Variants in RPTOR observed in about 807,000 individuals in gnomAD.
RPTOR encodes the protein regulatory associated protein of MTOR complex 1.
RPTOR carries 21 observed loss-of-function variants against 169.9 expected under a neutral mutation model. The ratio of observed to expected loss-of-function variants is 0.12; its 90% CI spans 0.09 to 0.18. The LOEUF (loss-of-function observed/expected upper bound fraction) is 0.18. RPTOR is among the 10% of genes least tolerant of loss of function. The pLI, the probability that RPTOR is intolerant of heterozygous loss-of-function variation, is 1.00. For missense variants in RPTOR, 1,133 were observed against 1,855.9 expected (o/e 0.61, Z 7.16); for synonymous variants, 732 against 753.2 (o/e 0.97, Z 0.46).
At chr17:80,832,336 C>T (rs2067514264) in intron 9 of RPTOR, among the ~76,000 whole-genome samples, 1 of 152,192 alleles carries the variant, frequency 6.6e-6, no homozygotes, top group Non-Finnish European at 1.5e-5. Flanking sequence ...GCCACTGGAG[C>T]AACATTCCCG....
At position 80,633,133 on chromosome 17, in the gene RPTOR, C is replaced by T. The variant is rs992412958; in HGVS notation, c.265+7340C>T. On this transcript the variant is annotated intron_variant, in intron 2 of 33. Coordinates refer to ENST00000306801, the MANE Select transcript of RPTOR (RefSeq NM_020761.3). This position sits in a 1 kb window ranked among gnomAD's most constrained non-coding sequence, Gnocchi z 4.1. ...TTTGAAAAAAAAGTTCCAAAAGTTGCAAGTATAGTACTAAGCTGTTTCCTT... is the reference window on the plus strand; with the variant it reads ...TTTGAAAAAAAAGTTCCAAAAGTTGTAAGTATAGTACTAAGCTGTTTCCTT... 1.3e-5 allele frequency among the ~76,000 whole-genome samples: 2 copies of T among 152,202 alleles called. No individual in the cohort carries two copies. The highest frequency in any genetic ancestry group is 2.9e-5 in the Non-Finnish European group (2 of 68,034).
chr17:80,964,144 G>A, intron 33 of RPTOR, 118 bp from the exon 34 acceptor site: 1 of 874,782 alleles, frequency 1.1e-6, no homozygotes, highest in Non-Finnish European at 1.8e-6. Context: ...GGTGGGCGTG[G>A]GGGTTCCTGA....
chr17:80,691,278 ATGTGTGTGTGCATGTCG>A (rs1172653569), intron 3 of RPTOR, among the ~76,000 whole-genome samples: 2 of 109,592 alleles, frequency 1.8e-5, no homozygotes, highest in East Asian at 3.9e-4. Flanking sequence ...TGGGTGTGAT[ATGTGTGTGTGCATGTCG>A]TGTGTGTGTG....
At chr17:80,590,261 G>A (rs996843371) in intron 1 of RPTOR, among the ~76,000 whole-genome samples, 1 of 149,288 alleles carries the variant, frequency 6.7e-6, no homozygotes, top group Non-Finnish European at 1.5e-5. Flanking sequence ...AGGCATGCAG[G>A]TATGCACACA....
chr17:80,954,458 G>A (rs535368115), intron 28 of RPTOR, among the ~76,000 whole-genome samples: 3 of 151,354 alleles, frequency 2.0e-5, no homozygotes, highest in Non-Finnish European at 2.9e-5. Context: ...TAAAGACAAG[G>A]TCTTGCTATG....
intron 25 of RPTOR, chr17:80,941,475 A>T (rs1437182024): frequency 6.6e-6 from 1 of 152,366 alleles, no homozygotes; most frequent in Non-Finnish European, 1.5e-5. Context: ...GCCCAGGCCC[A>T]GCCCTACAGC....
intron 10 of RPTOR, among the ~76,000 whole-genome samples, chr17:80,840,848 TCA>T (rs2067634942): frequency 8.2e-6 from 1 of 121,388 alleles, no homozygotes; most frequent in Non-Finnish European, 1.7e-5. Flanking sequence ...GCACGGCAGC[TCA>T]CACTCACCAC....
intron 6 of RPTOR, among the ~76,000 whole-genome samples, chr17:80,757,266 G>A (rs1224098328): frequency 3.9e-5 from 6 of 152,352 alleles, no homozygotes; most frequent in Middle Eastern, 3.4e-3. Context: ...AACTGAGAGG[G>A]CTTGTGCCAA....
At position 80,754,484 on chromosome 17, in the gene RPTOR, G is replaced by A. The variant is rs1056865228; in HGVS notation, c.830+299G>A. Among the ~76,000 whole-genome samples, 4 of 152,122 alleles carry A rather than the reference G, an allele frequency of 2.6e-5. No homozygotes were observed. Among genetic ancestry groups the A allele is most frequent in the Non-Finnish European group, 5.9e-5 (4 of 68,030 alleles). On this transcript the variant is annotated intron_variant, in intron 6 of 33. Transcript: ENST00000306801. This position sits in a 1 kb window ranked among gnomAD's most constrained non-coding sequence, Gnocchi z 4.2. ...CGGAGGCGTCTTAGTACCAGGATAGGTCATACTGGAAACTGGACTTTCTTT... is the reference window on the plus strand; with the variant it reads ...CGGAGGCGTCTTAGTACCAGGATAGATCATACTGGAAACTGGACTTTCTTT...
At chr17:80,950,633 A>C (rs1025611658) in intron 28 of RPTOR, among the ~76,000 whole-genome samples, 1 of 151,994 alleles carries the variant, frequency 6.6e-6, no homozygotes, top group African/African-American at 2.4e-5. Context: ...CCTGCGAGGC[A>C]ACCCTCTTCT....
chr17:80,847,105 A>C (rs550731639), intron 11 of RPTOR, among the ~76,000 whole-genome samples: 104 of 152,372 alleles, frequency 6.8e-4, no homozygotes, highest in African/African-American at 2.5e-3. Context: ...TAGGTTATGC[A>C]CTGAAGCACA....
intron 14 of RPTOR, among the ~76,000 whole-genome samples, chr17:80,882,871 C>T (rs542951612): frequency 1.1e-4 from 17 of 152,176 alleles, no homozygotes; most frequent in East Asian, 5.8e-4. Flanking sequence ...GACACTAGAC[C>T]GCGCGACGTG....
intron 29 of RPTOR, among the ~76,000 whole-genome samples, chr17:80,958,702 T>C (rs964865300): frequency 4.6e-5 from 7 of 152,192 alleles, no homozygotes; most frequent in Admixed American, 1.3e-4. Context: ...CGTGAGCCAC[T>C]GCGCCCGGCC....
chr17:80,569,907 T>C (rs952537787), intron 1 of RPTOR, among the ~76,000 whole-genome samples: 5 of 152,156 alleles, frequency 3.3e-5, no homozygotes, highest in African/African-American at 9.7e-5. Context: ...TGAATGTTTC[T>C]CACCCTGCTC....
intron 1 of RPTOR, among the ~76,000 whole-genome samples, chr17:80,597,941 A>T (rs1010298118): frequency 4.6e-5 from 7 of 152,116 alleles, no homozygotes; most frequent in African/African-American, 1.7e-4. Flanking sequence ...GCAGTTCAAG[A>T]CCAGCCTGGG....
chr17:80,558,419 A>T (rs2084437887), intron 1 of RPTOR, among the ~76,000 whole-genome samples: 1 of 152,178 alleles, frequency 6.6e-6, no homozygotes, highest in Non-Finnish European at 1.5e-5. Context: ...GCCGAGAACA[A>T]GTTTGAATTT....
At chr17:80,663,832 CGTGTGTGCAAGCAG>C (rs1248322427) in intron 3 of RPTOR, among the ~76,000 whole-genome samples, 1 of 151,780 alleles carries the variant, frequency 6.6e-6, no homozygotes, top group Non-Finnish European at 1.5e-5. Flanking sequence ...TGTGCGTGTG[CGTGTGTGCAAGCAG>C]GTGTGTGCAC....
chr17:80,560,011 G>T (rs9892100), intron 1 of RPTOR, among the ~76,000 whole-genome samples: 1 of 152,068 alleles, frequency 6.6e-6, no homozygotes, highest in South Asian at 2.1e-4. Flanking sequence ...GGCACTGCAC[G>T]TAGGGTGCAT....
At chr17:80,913,835 G>A (rs1009238430) in intron 21 of RPTOR, among the ~76,000 whole-genome samples, 5 of 152,156 alleles carry the variant, frequency 3.3e-5, no homozygotes, top group Admixed American at 1.3e-4. Context: ...GCCTGCCTGT[G>A]GCCCCAGCAG....
Sources: allele counts gnomAD v4.1 joint callset (sites outside exome capture counted in the v4.1 genomes callset), GRCh38; gene constraint gnomAD v4.1.1; non-coding constraint Gnocchi (gnomAD v3.1); transcripts MANE v1.5; gene names NCBI Gene and HGNC (gene_info 2026-07-23, HGNC 2026-07-21).